Variants in EXTL2 observed in about 807,000 individuals in gnomAD.
EXTL2 encodes the protein exostosin like glycosyltransferase 2.
In EXTL2, 23 loss-of-function variants were observed where a neutral mutation model predicts 30.7. The ratio of observed to expected loss-of-function variants is 0.75; its 90% CI spans 0.54 to 1.06. The LOEUF (loss-of-function observed/expected upper bound fraction) is 1.06, where lower values mean the gene tolerates loss of function less well. EXTL2 is among the 50% of genes least tolerant of loss of function. EXTL2 has a pLI of 0.00. For synonymous variants in EXTL2, 123 were observed against 133.8 expected, an observed-to-expected ratio of 0.92 and a Z score of 0.56; for missense variants, 352 against 396.3, an observed-to-expected ratio of 0.89 and a Z score of 0.95.
chr1:100,886,822 T>C (rs1179696984), intron 2 of EXTL2, among the ~76,000 whole-genome samples: 2 of 152,234 alleles, frequency 1.3e-5, no homozygotes, highest in Non-Finnish European at 2.9e-5. Flanking sequence ...TTTCTAGCTT[T>C]GCACCTATCT....
chr1:100,889,023 G>A (rs998551356), intron 1 of EXTL2, among the ~76,000 whole-genome samples, 195 bp from the exon 2 acceptor site: 14 of 152,176 alleles, frequency 9.2e-5, no homozygotes, highest in South Asian at 2.1e-4. Context: ...TTCCAGTGAG[G>A]TTGGTGCTAT....
At position 100,876,837 on chromosome 1, in the gene EXTL2, A is replaced by G; in HGVS notation, c.461T>C (p.Leu154Pro). The G allele has an allele frequency of 6.2e-7, 1 of 1,612,148 alleles. No homozygotes were observed. Among genetic ancestry groups the G allele is most frequent in the South Asian group, 1.1e-5 (1 of 91,018 alleles). Reference sequence around the variant, plus strand: ...AAAAACAAGGTCTGGGGTGCTGATGAGTGTGTCATCATCTACCATCAACAC... The same window carrying G: ...AAAAACAAGGTCTGGGGTGCTGATGGGTGTGTCATCATCTACCATCAACAC... ...NAVLMVDDDT[L>P]ISTPDLVFAF... Residue 154 changes from leucine to proline, a missense_variant, in exon 4 of 5, where the codon CTC becomes CCC. By Grantham distance (98) the Leu-to-Pro change is moderately conservative (BLOSUM62 -3). Transcript: ENST00000370114.
chr1:100,882,193 A>C (rs1649616004), intron 2 of EXTL2, among the ~76,000 whole-genome samples: 2 of 152,216 alleles, frequency 1.3e-5, no homozygotes, highest in Non-Finnish European at 1.5e-5. Flanking sequence ...AAGGGTTTTC[A>C]ACTAGAGATG....
intron 2 of EXTL2, among the ~76,000 whole-genome samples, chr1:100,880,604 A>G (rs1423778631): frequency 1.3e-5 from 2 of 152,186 alleles, no homozygotes; most frequent in Non-Finnish European, 2.9e-5. Context: ...GTCAAGGACA[A>G]ATCATTACGA....
chr1:100,892,396 A>G (rs941958401), intron 1 of EXTL2, among the ~76,000 whole-genome samples: 2 of 152,166 alleles, frequency 1.3e-5, no homozygotes, highest in Non-Finnish European at 2.9e-5. Context: ...TTAGACTCTT[A>G]GACTTACACC....
chr1:100,882,050 T>C (rs112590586), intron 2 of EXTL2, among the ~76,000 whole-genome samples: 517 of 152,300 alleles, frequency 3.4e-3, no homozygotes, highest in Non-Finnish European at 5.5e-3. Flanking sequence ...CTTATGAGAA[T>C]TTAATGCTTG....
upstream of EXTL2, chr1:100,895,128 G>C (rs3806163): frequency 0.57 from 86,651 of 152,102 alleles, 25,196 homozygotes; most frequent in Middle Eastern, 0.64. Context: ...CCCACCGAGG[G>C]GCCAGCTTCT....
At chr1:100,893,856 G>A (rs1425787903) in intron 1 of EXTL2, among the ~76,000 whole-genome samples, 1 of 152,152 alleles carries the variant, frequency 6.6e-6, no homozygotes, top group East Asian at 1.9e-4. Flanking sequence ...AGGTCCTCAT[G>A]GGAATACCTA....
chr1:100,893,105 G>A (rs554979315), intron 1 of EXTL2, among the ~76,000 whole-genome samples: 1 of 152,170 alleles, frequency 6.6e-6, no homozygotes, highest in Non-Finnish European at 1.5e-5. Flanking sequence ...AATGCAATTA[G>A]TTGGTAGGAG....
chr1:100,876,078 G>A (rs944980211), intron 4 of EXTL2, among the ~76,000 whole-genome samples: 1 of 152,030 alleles, frequency 6.6e-6, no homozygotes, highest in African/African-American at 2.4e-5. Flanking sequence ...AATTTTAAAA[G>A]TTACCATGGC....
chr1:100,882,016 G>T (rs1431870176), intron 2 of EXTL2, among the ~76,000 whole-genome samples: 1 of 152,214 alleles, frequency 6.6e-6, no homozygotes, highest in Non-Finnish European at 1.5e-5. Flanking sequence ...AACTGTGCAT[G>T]TGAGGGATCT....
At chr1:100,891,247 T>C (rs1570477861) in intron 1 of EXTL2, among the ~76,000 whole-genome samples, 3 of 152,374 alleles carry the variant, frequency 2.0e-5, no homozygotes, top group Admixed American at 2.0e-4. Context: ...AGGATTAGTA[T>C]GCTTCTGGTT....
rs1648938869 is a variant in EXTL2 at position 100,874,393 on chromosome 1, T to C, written c.542A>G (p.Lys181Arg). ...GATACCTGATGAAGTAGAGACGTGC[T>C]TTCTAGGAACAAATCCTACAATTTG... ...PDQIVGFVPR[K>R]HVSTSSGIYS... Residue 181 changes from lysine (K) to arginine (R), a missense_variant, in exon 5 of 5, where the codon AAG becomes AGG. By Grantham distance (26) the Lys-to-Arg change is conservative. Coordinates refer to ENST00000370114, the MANE Select transcript of EXTL2 (RefSeq NM_001033025.3). 6.2e-7 allele frequency: 1 copy of C among 1,605,794 alleles called. No individual in the cohort carries two copies. Among genetic ancestry groups the C allele is most frequent in the African/African-American group, 1.3e-5 (1 of 74,616 alleles).
intron 1 of EXTL2, among the ~76,000 whole-genome samples, chr1:100,889,671 A>C (rs1650264191): frequency 6.6e-6 from 1 of 152,238 alleles, no homozygotes; most frequent in African/African-American, 2.4e-5. Flanking sequence ...TAGGCCAAAA[A>C]AAAGGGGCCA....
At chr1:100,894,258 T>G (rs1650672085) in intron 1 of EXTL2, among the ~76,000 whole-genome samples, 1 of 152,142 alleles carries the variant, frequency 6.6e-6, no homozygotes, top group Non-Finnish European at 1.5e-5. Flanking sequence ...TTGCACCCAA[T>G]TAATTTTTCC....
At chr1:100,886,646 T>TGC (rs1360631047) in intron 2 of EXTL2, among the ~76,000 whole-genome samples, 1 of 152,238 alleles carries the variant, frequency 6.6e-6, no homozygotes, top group Non-Finnish European at 1.5e-5. Context: ...AACTAGAGTT[T>TGC]GCTTTGTTAT....
chr1:100,894,113 G>A (rs1650648428), intron 1 of EXTL2, among the ~76,000 whole-genome samples: 1 of 152,178 alleles, frequency 6.6e-6, no homozygotes, highest in Admixed American at 6.5e-5. Flanking sequence ...TTAGGATTAT[G>A]CTGGAAATCA....
At chr1:100,876,233 G>A (rs1476307194) in intron 4 of EXTL2, among the ~76,000 whole-genome samples, 3 of 151,856 alleles carry the variant, frequency 2.0e-5, no homozygotes, top group Non-Finnish European at 2.9e-5. Context: ...AGGAGAGAGC[G>A]GCTTTTATAG....
Position 100,873,779 on chromosome 1 carries a change from A to G in EXTL2, c.*163T>C, listed in dbSNP as rs1648874588. On this transcript the variant is annotated 3_prime_UTR_variant, in exon 5 of 5. Coordinates refer to ENST00000370114, the MANE Select transcript of EXTL2 (RefSeq NM_001033025.3). ...GATAAGACCAACTTCTTGGCTTTCA[A>G]AAGTAATGTGAATTTTATATCCTAG... The G allele has an allele frequency of 5.8e-6, 4 of 693,144 alleles. No homozygotes were observed. 42.9% of individuals were successfully genotyped at this position (693,144 alleles called of 1,614,324 possible). A position where few individuals can be genotyped will look rare whatever the true frequency, so the allele number is the denominator to read the frequency against.
Sources: gnomAD v4.1 joint callset for allele counts (sites outside exome capture counted in the v4.1 genomes callset) on GRCh38, gnomAD v4.1.1 for gene constraint, MANE v1.5 for transcripts, NCBI Gene and HGNC (gene_info 2026-07-23, HGNC 2026-07-21) for gene names.